The following TSPAN9 variants were observed in gnomAD, a reference collection of about 807,000 sequenced individuals.
The protein encoded by TSPAN9 is tetraspanin-9.
TSPAN9 carries 16 observed loss-of-function variants against 31.0 expected under a neutral mutation model. The observed-to-expected ratio is 0.52, with a 90% CI of 0.35 to 0.78. TSPAN9 has a LOEUF of 0.78. Among genes scored for constraint, TSPAN9 ranks in the 30% least tolerant of loss-of-function variants. TSPAN9 has a pLI of 0.01. For synonymous variants in TSPAN9, 145 were observed against 121.6 expected, an observed-to-expected ratio of 1.19 and a Z score of -1.27; for missense variants, 272 against 312.5, an observed-to-expected ratio of 0.87 and a Z score of 0.98.
At chr12:3,227,215 A>G (rs1255868331) in intron 3 of TSPAN9, among the ~76,000 whole-genome samples, 5 of 152,194 alleles carry the variant, frequency 3.3e-5, no homozygotes, top group African/African-American at 1.2e-4. Context: ...GCTGAAGCCA[A>G]CAGCAGTTTC....
At chr12:3,111,831 C>G (rs1210353883) in intron 2 of TSPAN9, among the ~76,000 whole-genome samples, 1 of 152,030 alleles carries the variant, frequency 6.6e-6, no homozygotes, top group Non-Finnish European at 1.5e-5. Context: ...AGGCTGGTCT[C>G]GAACTCCTGA....
rs1033642355 is a variant in TSPAN9, at chr12:3,172,854, C to G, written c.-17-28323C>G. ...AGGCATGGAAAGGTAACTAACCGCA[C>G]GCGGCAGGCGAGTCTATTAAACAGA... On this transcript the variant is annotated intron_variant, in intron 2 of 8. Transcript: ENST00000011898. This position sits in a 1 kb window ranked among gnomAD's most constrained non-coding sequence, Gnocchi z 4.8. 12 of 152,380 alleles carry G rather than the reference C, an allele frequency of 7.9e-5. No individual in the cohort carries two copies. The highest frequency in any genetic ancestry group is 1.8e-4 in the Non-Finnish European group (12 of 68,062). The allele number at this position is 152,380 out of a possible 1,614,324, so 9.4% of individuals were successfully genotyped here.
chr12:3,225,631 C>T (rs148958704), intron 3 of TSPAN9, among the ~76,000 whole-genome samples: 1,890 of 152,218 alleles, frequency 0.012, 19 homozygotes, highest in Middle Eastern at 0.044. Context: ...CAGTGCCTGA[C>T]TCATGCTTGG....
chr12:3,251,657 C>T (rs532919944), intron 3 of TSPAN9, among the ~76,000 whole-genome samples: 6 of 152,298 alleles, frequency 3.9e-5, no homozygotes, highest in African/African-American at 1.4e-4. Context: ...CAAAGGACAT[C>T]TTTAGTTTTA....
chr12:3,151,580 C>A (rs2098339757), intron 2 of TSPAN9: 5 of 152,306 alleles, frequency 3.3e-5, no homozygotes, highest in Admixed American at 6.5e-5. Context: ...GCTGCGCATG[C>A]CCCCTCAGTG....
At chr12:3,195,036 G>A (rs527922336) in intron 2 of TSPAN9, among the ~76,000 whole-genome samples, 4 of 152,352 alleles carry the variant, frequency 2.6e-5, no homozygotes, top group African/African-American at 9.6e-5. Context: ...AATGGTGCCC[G>A]TCTCACAGGC....
At chr12:3,195,705 G>A (rs55897603) in intron 2 of TSPAN9, among the ~76,000 whole-genome samples, 57,793 of 152,106 alleles carry the variant, frequency 0.38, 11,626 homozygotes, top group African/African-American at 0.52. Flanking sequence ...CTAGGGCACC[G>A]GTTAATCATG....
chr12:3,097,554 G>A (rs1033199832), intron 2 of TSPAN9, among the ~76,000 whole-genome samples: 3 of 152,212 alleles, frequency 2.0e-5, no homozygotes, highest in Admixed American at 6.5e-5. Flanking sequence ...CTATGGCAGG[G>A]AGGGGGCAGG....
At position 3,147,388 on chromosome 12, in the gene TSPAN9, C is replaced by A. The variant is rs572205636; in HGVS notation, c.-17-53789C>A. Among the ~76,000 whole-genome samples, 9 of 151,968 alleles carry A rather than the reference C, an allele frequency of 5.9e-5. No individual in the cohort carries two copies. The highest frequency in any genetic ancestry group is 1.3e-4 in the Admixed American group (2 of 15,282). On this transcript the variant is annotated intron_variant, in intron 2 of 8. Transcript: ENST00000011898. This position sits in a 1 kb window ranked among gnomAD's most constrained non-coding sequence, Gnocchi z 4.3. ...CTGCTGAGTGTTGGGGCCCGGGAGA[C>A]CCTCGCCGAGGAGCAAGGTTGGTGG...
At chr12:3,156,393 G>A (rs1158956989) in intron 2 of TSPAN9, among the ~76,000 whole-genome samples, 2 of 152,192 alleles carry the variant, frequency 1.3e-5, no homozygotes, top group Non-Finnish European at 2.9e-5. Flanking sequence ...GGAGTCGGGG[G>A]GCCAGGAGAT....
At chr12:3,152,142 A>G (rs1037657284) in intron 2 of TSPAN9, among the ~76,000 whole-genome samples, 5 of 152,064 alleles carry the variant, frequency 3.3e-5, no homozygotes, top group Non-Finnish European at 7.4e-5. Context: ...ACCAGCTTGG[A>G]AGGAGGTAAG....
intron 3 of TSPAN9, among the ~76,000 whole-genome samples, chr12:3,254,473 C>T (rs1245546993): frequency 1.3e-5 from 2 of 152,206 alleles, no homozygotes; most frequent in African/African-American, 4.8e-5. Flanking sequence ...CTACACCAAC[C>T]TTGTGCCCGA....
At chr12:3,144,653 G>C (rs1045129393) in intron 2 of TSPAN9, among the ~76,000 whole-genome samples, 4 of 152,224 alleles carry the variant, frequency 2.6e-5, no homozygotes, top group African/African-American at 9.6e-5. Flanking sequence ...GTACTTTGCT[G>C]CAGTGGCTCC....
intron 3 of TSPAN9, among the ~76,000 whole-genome samples, chr12:3,262,065 A>G (rs3782774): frequency 0.39 from 59,147 of 151,962 alleles, 13,140 homozygotes; most frequent in South Asian, 0.57. Context: ...CTGGTGCCAG[A>G]AACCTTAAGG....
intron 3 of TSPAN9, among the ~76,000 whole-genome samples, chr12:3,271,638 C>T (rs1862680611): frequency 6.6e-6 from 1 of 152,022 alleles, no homozygotes; most frequent in Non-Finnish European, 1.5e-5. Context: ...CCCATGGTTC[C>T]AAGGTGCTGT....
chr12:3,248,877 C>G (rs768560009), intron 3 of TSPAN9, among the ~76,000 whole-genome samples: 1 of 152,170 alleles, frequency 6.6e-6, no homozygotes, highest in Non-Finnish European at 1.5e-5. Context: ...TCCTCTGGTT[C>G]GGTAATGGAT....
intron 3 of TSPAN9, among the ~76,000 whole-genome samples, chr12:3,254,127 G>T (rs1453572652): frequency 6.6e-6 from 1 of 152,196 alleles, no homozygotes; most frequent in Non-Finnish European, 1.5e-5. Context: ...CCAGCCCCGA[G>T]CCTGGAGCAC....
At chr12:3,113,905 T>C (rs527716231) in intron 2 of TSPAN9, among the ~76,000 whole-genome samples, 2 of 152,222 alleles carry the variant, frequency 1.3e-5, no homozygotes, top group Non-Finnish European at 2.9e-5. Flanking sequence ...CCTGGGCAGG[T>C]CCCCTTGTTC....
intron 3 of TSPAN9, among the ~76,000 whole-genome samples, chr12:3,201,736 G>A (rs1426632084): frequency 6.6e-6 from 1 of 152,226 alleles, no homozygotes; most frequent in Non-Finnish European, 1.5e-5. Flanking sequence ...GGAGGGGGGC[G>A]GGGTGTAGAG....
Sources: allele counts gnomAD v4.1 joint callset (sites outside exome capture counted in the v4.1 genomes callset), GRCh38; gene constraint gnomAD v4.1.1; non-coding constraint Gnocchi (gnomAD v3.1); transcripts MANE v1.5; gene names NCBI Gene and HGNC (gene_info 2026-07-23, HGNC 2026-07-21).